ZDHHC8: variants seen among roughly 807,000 people sequenced by gnomAD.
ZDHHC8 encodes zDHHC palmitoyltransferase 8, also known as palmitoyltransferase ZDHHC8.
Under a neutral mutation model 61.2 loss-of-function variants are expected in ZDHHC8, and 24 were observed. That is an observed-to-expected ratio of 0.39 (90% CI 0.28 to 0.55). The LOEUF (loss-of-function observed/expected upper bound fraction) is 0.55. Among genes scored for constraint, ZDHHC8 ranks in the 20% least tolerant of loss-of-function variants. ZDHHC8 has a pLI of 0.60. For synonymous variants in ZDHHC8, 523 were observed against 492.5 expected, an observed-to-expected ratio of 1.06 and a Z score of -0.82; for missense variants, 935 against 1,102.1, an observed-to-expected ratio of 0.85 and a Z score of 2.15.
intron 1 of ZDHHC8, among the ~76,000 whole-genome samples, 176 bp downstream of exon 1, chr22:20,132,227 G>T (rs560532752): frequency 6.6e-6 from 1 of 152,154 alleles, no homozygotes; most frequent in African/African-American, 2.4e-5. Context: ...GAGTTGAAGC[G>T]GTGTGCCGGC....
rs940692463 is a variant in ZDHHC8, at chr22:20,146,632, C to T, written c.*1232C>T. ...GAGTCAGAGGCTTGGGAAGAGGGGG[C>T]GGCCGATGGTCTGTGGCTGGGAAGT... On this transcript the variant is annotated 3_prime_UTR_variant, in exon 11 of 11. Coordinates refer to ENST00000334554, the MANE Select transcript of ZDHHC8 (RefSeq NM_013373.4). 6.2e-5 allele frequency: 62 copies of T among 1,005,090 alleles called. No homozygotes were observed. Among genetic ancestry groups the T allele is most frequent in the African/African-American group, 6.9e-5 (4 of 57,940 alleles). 62.3% of individuals were successfully genotyped at this position (1,005,090 alleles called of 1,614,324 possible).
In ZDHHC8 at chr22:20,146,636, C is replaced by T. The variant is rs1164868297; in HGVS notation, c.*1236C>T. 1.5e-5 allele frequency: 15 copies of T among 1,007,766 alleles called. No homozygotes were observed. The highest frequency in any genetic ancestry group is 9.6e-5 in the East Asian group (1 of 10,428). The allele number at this position is 1,007,766 out of a possible 1,614,324, so 62.4% of individuals were successfully genotyped here. The stretch of plus-strand genomic sequence containing the variant: ...CAGAGGCTTGGGAAGAGGGGGCGGC[C>T]GATGGTCTGTGGCTGGGAAGTGTGA... On this transcript the variant is annotated 3_prime_UTR_variant, in exon 11 of 11. Transcript: ENST00000334554.
At chr22:20,141,101 G>C in intron 7 of ZDHHC8, 89 bp downstream of exon 7, 1 of 1,594,476 alleles carries the variant, frequency 6.3e-7, no homozygotes, top group African/African-American at 1.3e-5. Flanking sequence ...GAGGTGGATG[G>C]GGCAGACAGA....
intron 1 of ZDHHC8, among the ~76,000 whole-genome samples, chr22:20,134,614 CAGTG>C (rs779020731): frequency 1.3e-5 from 2 of 152,252 alleles, no homozygotes; most frequent in Admixed American, 6.5e-5. Context: ...CGTTACCAGA[CAGTG>C]AGTGGCCCCA....
rs139365941 is a variant in ZDHHC8, at chr22:20,141,306, T to C, written c.984T>C (p.Ser328=). The C allele has an allele frequency of 8.3e-5, 134 of 1,612,612 alleles. No individual in the cohort carries two copies. The highest frequency in any genetic ancestry group is 1.4e-5 in the Non-Finnish European group (17 of 1,179,868). ...PPKIEAGTFS[S]DLQTPRPGSA... is the part of the protein sequence containing the mutation. ...AGATAGAGGCTGGCACGTTCAGCAG[T>C]GACCTGCAGACCCCGCGCCCAGGCA... The change falls in exon 8 of 11, where the codon AGT becomes AGC. Residue 328 remains serine (S), a synonymous_variant. Transcript: ENST00000334554.
At chr22:20,134,225 G>T (rs1213177612) in intron 1 of ZDHHC8, among the ~76,000 whole-genome samples, 1 of 152,234 alleles carries the variant, frequency 6.6e-6, no homozygotes, top group Non-Finnish European at 1.5e-5. Flanking sequence ...TGGCCACCTA[G>T]CAAGGCTAAG....
At position 20,146,780 on chromosome 22, in the gene ZDHHC8, A is replaced by G. The variant is rs1239830643; in HGVS notation, c.*1380A>G. 3.3e-6 allele frequency: 4 copies of G among 1,227,482 alleles called. No individual in the cohort carries two copies. Among genetic ancestry groups the G allele is most frequent in the African/African-American group, 1.6e-5 (1 of 64,038 alleles). 76.0% of individuals were successfully genotyped at this position (1,227,482 alleles called of 1,614,324 possible). ...GAACCCGAGAGCTTGGGGAGATGAAATGGGGGTGCATAGGGGCCACCTGTT... is the reference window on the plus strand; with the variant it reads ...GAACCCGAGAGCTTGGGGAGATGAAGTGGGGGTGCATAGGGGCCACCTGTT... On this transcript the variant is annotated 3_prime_UTR_variant, in exon 11 of 11. Transcript: ENST00000334554.
chr22:20,144,006 G>C (rs754527241), intron 10 of ZDHHC8, among the ~76,000 whole-genome samples: 2 of 152,176 alleles, frequency 1.3e-5, no homozygotes, highest in Admixed American at 1.3e-4. Flanking sequence ...CCGACGACTC[G>C]TTCTTCTAGA....
chr22:20,137,310 C>T (rs2050429728), intron 1 of ZDHHC8, among the ~76,000 whole-genome samples: 1 of 152,212 alleles, frequency 6.6e-6, no homozygotes, highest in Non-Finnish European at 1.5e-5. Flanking sequence ...CTCAAGTCAG[C>T]ATGGGGTTCA....
At position 20,147,216 on chromosome 22, in the gene ZDHHC8, C is replaced by T. The variant is rs9605070; in HGVS notation, c.*1816C>T. 315,469 of 1,477,936 alleles carry T rather than the reference C, an allele frequency of 0.21. 35,889 individuals are homozygous for T. Among genetic ancestry groups the T allele is most frequent in the South Asian group, 0.28 (20,906 of 75,352 alleles). 91.6% of individuals were successfully genotyped at this position (1,477,936 alleles called of 1,614,324 possible). ...TGGCTGCCTCCAGTCTTTTCCCCAG[C>T]CTCTCGGGGCCCTAGCAGGATGACA... On this transcript the variant is annotated 3_prime_UTR_variant, in exon 11 of 11. Transcript: ENST00000334554.
rs908943149 is a variant in ZDHHC8, at chr22:20,137,522, C to T, written c.105-1672C>T. 2.0e-5 allele frequency among the ~76,000 whole-genome samples: 3 copies of T among 152,410 alleles called. No individual in the cohort carries two copies. In the East Asian group the frequency reaches 5.8e-4, roughly 29 times the overall value. On this transcript the variant is annotated intron_variant, in intron 1 of 10. Coordinates refer to ENST00000334554, the MANE Select transcript of ZDHHC8 (RefSeq NM_013373.4). ...CCCTTCCCAGAGCAGGCCAGCCCCACGGGCATCATGAGGGCCTGCGTTTGG... is the reference window on the plus strand; with the variant it reads ...CCCTTCCCAGAGCAGGCCAGCCCCATGGGCATCATGAGGGCCTGCGTTTGG...
intron 1 of ZDHHC8, among the ~76,000 whole-genome samples, chr22:20,138,120 G>A (rs1216725242): frequency 6.6e-6 from 1 of 152,270 alleles, no homozygotes; most frequent in African/African-American, 2.4e-5. Flanking sequence ...GTGCAGCAGC[G>A]TGGCCACGTG....
At position 20,146,957 on chromosome 22, in the gene ZDHHC8, C is replaced by A. The variant is rs1206147030; in HGVS notation, c.*1557C>A. The A allele has an allele frequency of 3.0e-5, 41 of 1,370,052 alleles. No individual in the cohort carries two copies. The highest frequency in any genetic ancestry group is 4.7e-6 in the Non-Finnish European group (5 of 1,064,750). 84.9% of individuals were successfully genotyped at this position (1,370,052 alleles called of 1,614,324 possible). On this transcript the variant is annotated 3_prime_UTR_variant, in exon 11 of 11. Transcript: ENST00000334554. ...TGTCCCAGCGTGGGAGGCGTGCGGG[C>A]TGTAGGGCCCCGAAGCTGACCTCCA...
At position 20,145,449 on chromosome 22, in the gene ZDHHC8, A is replaced by G. The variant is rs175179; in HGVS notation, c.*49A>G. 0.4 allele frequency: 553,307 copies of G among 1,380,674 alleles called. 113,364 individuals are homozygous for G. Among genetic ancestry groups the G allele is most frequent in the East Asian group, 0.63 (21,157 of 33,346 alleles). 85.5% of individuals were successfully genotyped at this position (1,380,674 alleles called of 1,614,324 possible). On this transcript the variant is annotated 3_prime_UTR_variant, in exon 11 of 11. Coordinates refer to ENST00000334554, the MANE Select transcript of ZDHHC8 (RefSeq NM_013373.4). The stretch of plus-strand genomic sequence containing the variant: ...ATGGTGCCACGGGGACCAGGACCCC[A>G]CAGCGCACCCCCCCTCCCCACCAAC...
intron 1 of ZDHHC8, among the ~76,000 whole-genome samples, chr22:20,135,998 C>T (rs1019599449): frequency 6.6e-6 from 1 of 152,288 alleles, no homozygotes; most frequent in Non-Finnish European, 1.5e-5. Context: ...TCGGCGGTAT[C>T]TCCCTGCCAG....
At chr22:20,140,012 C>T in intron 4 of ZDHHC8, 103 bp from the exon 5 acceptor site, 2 of 1,586,014 alleles carry the variant, frequency 1.3e-6, no homozygotes, top group East Asian at 2.2e-5. Flanking sequence ...GGGCAGGTGG[C>T]CGTCCCTAGG....
In ZDHHC8 at chr22:20,147,345, A is replaced by C. The variant is rs1018595478; in HGVS notation, c.*1945A>C. The C allele has an allele frequency of 4.1e-5, 44 of 1,078,546 alleles. No individual in the cohort carries two copies. The highest frequency in any genetic ancestry group is 2.0e-5 in the South Asian group (1 of 51,232). The allele number at this position is 1,078,546 out of a possible 1,614,324, so 66.8% of individuals were successfully genotyped here. A position where few individuals can be genotyped will look rare whatever the true frequency, so the allele number is the denominator to read the frequency against. ...GGGGGTGGGCTGGGCTCTCTGCTCC[A>C]CCAGCCACAGCTTGACAGATTCCCA... On this transcript the variant is annotated 3_prime_UTR_variant, in exon 11 of 11. Coordinates refer to ENST00000334554, the MANE Select transcript of ZDHHC8 (RefSeq NM_013373.4).
At chr22:20,136,201 C>G (rs1262609678) in intron 1 of ZDHHC8, among the ~76,000 whole-genome samples, 2 of 152,236 alleles carry the variant, frequency 1.3e-5, no homozygotes, top group African/African-American at 4.8e-5. Context: ...ACCTCCAGCC[C>G]AGGCCCAGAG....
At chr22:20,137,242 G>C (rs979049100) in intron 1 of ZDHHC8, among the ~76,000 whole-genome samples, 9 of 150,190 alleles carry the variant, frequency 6.0e-5, no homozygotes, top group Admixed American at 2.0e-4. Flanking sequence ...CGCCTGGTGT[G>C]GGGGAGTCCA....
Sources: allele counts gnomAD v4.1 joint callset (sites outside exome capture counted in the v4.1 genomes callset), GRCh38; gene constraint gnomAD v4.1.1; transcripts MANE v1.5; gene names NCBI Gene and HGNC (gene_info 2026-07-23, HGNC 2026-07-21).